Variants in GPSM1 observed in about 807,000 individuals in gnomAD.
GPSM1 encodes the protein G protein signaling modulator 1.
GPSM1 carries 48 observed loss-of-function variants against 70.5 expected under a neutral mutation model. The ratio of observed to expected loss-of-function variants is 0.68; its 90% CI spans 0.54 to 0.87. GPSM1 has a LOEUF of 0.87. Ranked by LOEUF, GPSM1 falls within the 40% of genes least tolerant of loss-of-function variation. The probability of loss-of-function intolerance (pLI) is 0.00; values close to 1 mark genes in which losing one functional copy is unlikely to be tolerated. For missense variants in GPSM1, 981 were observed against 972.6 expected (o/e 1.01, Z -0.11); for synonymous variants, 416 against 430.1 (o/e 0.97, Z 0.41).
chr9:136,351,806 G>A (rs1433624797), intron 11 of GPSM1, among the ~76,000 whole-genome samples: 1 of 152,240 alleles, frequency 6.6e-6, no homozygotes, highest in African/African-American at 2.4e-5. Context: ...ACGTGGCAGG[G>A]CCTCTTGGCT....
At position 136,342,919 on chromosome 9, in the gene GPSM1, CCTTGCTGTTGTGGGCGTGGT is replaced by C. The variant is rs1832429941; in HGVS notation, c.1207+1928_1207+1947del. Among the ~76,000 whole-genome samples, 1 of 151,788 alleles carries C rather than the reference CCTTGCTGTTGTGGGCGTGGT, an allele frequency of 6.6e-6. No individual in the cohort carries two copies. The highest frequency in any genetic ancestry group is 1.5e-5 in the Non-Finnish European group (1 of 67,926). ...CCGGCGGGGACGCGGTGGGGCGTGG[CCTTGCTGTTGTGGGCGTGGT>C]CCATGGGGGCGGTGGGCGTGGCAGA... On this transcript the variant is annotated intron_variant, in intron 9 of 13. Coordinates refer to ENST00000440944, the MANE Select transcript of GPSM1 (RefSeq NM_001145638.3). This position sits in a 1 kb window ranked among gnomAD's most constrained non-coding sequence, Gnocchi z 5.5.
intron 11 of GPSM1, among the ~76,000 whole-genome samples, chr9:136,352,777 C>T (rs74604683): frequency 0.077 from 11,714 of 152,286 alleles, 595 homozygotes; most frequent in East Asian, 0.15. Flanking sequence ...CAGGTGTCAG[C>T]GGGAAAAGGG....
Position 136,338,577 on chromosome 9 carries a change from C to G in GPSM1, c.841C>G (p.Gln281Glu), listed in dbSNP as rs1394314581. The part of the protein sequence containing the change: ...YYKKTLQLSR[Q>E]LRDQAVEAQA... ...CAGGAAGACGCTGCAACTGTCTCGG[C>G]AGCTCAGGGACCAGGCAGTGGAGGC... is the stretch of plus-strand genomic sequence containing the variant. The change falls in exon 7 of 14, where the codon CAG (glutamine) becomes GAG (glutamate). Residue 281 changes from glutamine to glutamate, a missense_variant. Physicochemically the swap from Gln to Glu is conservative, Grantham distance 29 (BLOSUM62 2). Transcript: ENST00000440944. The G allele has an allele frequency of 6.2e-7, 1 of 1,611,210 alleles. No homozygotes were observed. The highest frequency in any genetic ancestry group is 1.3e-5 in the African/African-American group (1 of 74,940).
At chr9:136,328,188 G>A (rs1025222681) in intron 1 of GPSM1, among the ~76,000 whole-genome samples, 2 of 152,268 alleles carry the variant, frequency 1.3e-5, no homozygotes, top group East Asian at 3.8e-4. Flanking sequence ...GATCCAGCTG[G>A]GTTGGAAGGG....
intron 6 of GPSM1, 125 bp from the exon 7 acceptor site, chr9:136,338,430 C>A: frequency 1.1e-6 from 1 of 895,092 alleles, no homozygotes; most frequent in South Asian, 1.7e-5. Context: ...TGAAGCTGGA[C>A]CCCAGAGAGG....
intron 9 of GPSM1, among the ~76,000 whole-genome samples, chr9:136,346,280 G>A (rs782730608): frequency 6.6e-5 from 10 of 152,348 alleles, no homozygotes; most frequent in South Asian, 6.2e-4. Context: ...GTAGGCATTC[G>A]CCGTGGGCTG....
chr9:136,327,750 CG>C lies in GPSM1; in HGVS notation c.56del (p.Arg19ProfsTer11). 8.4e-7 allele frequency: 1 copy of C among 1,189,936 alleles called. No homozygotes were observed. The highest frequency in any genetic ancestry group is 1.0e-6 in the Non-Finnish European group (1 of 960,132). The allele number at this position is 1,189,936 out of a possible 1,614,324, so 73.7% of individuals were successfully genotyped here. A position where few individuals can be genotyped will look rare whatever the true frequency, so the allele number is the denominator to read the frequency against. On this transcript the variant is annotated frameshift_variant, in exon 1 of 14. Coordinates refer to ENST00000440944, the MANE Select transcript of GPSM1 (RefSeq NM_001145638.3). LOFTEE classifies it high-confidence loss of function. ...CGAGCTCCCGGGCCCGGCCGCCAGG[CG>C]CCTCTACTCCAGGTAGGACGGGCCG... The part of the protein sequence containing the change: ...ADELPGPAAR[R>X]LYSRMEASCL...
Position 136,341,522 on chromosome 9 carries a change from C to T in GPSM1, c.1207+529C>T. 1 of 1,161,394 alleles carries T rather than the reference C, an allele frequency of 8.6e-7. No homozygotes were observed. Among genetic ancestry groups the T allele is most frequent in the Non-Finnish European group, 1.1e-6 (1 of 938,742 alleles). 71.9% of individuals were successfully genotyped at this position (1,161,394 alleles called of 1,614,324 possible). On this transcript the variant is annotated intron_variant, in intron 9 of 13. Transcript: ENST00000440944. The surrounding 1 kb of genome is among the most constrained non-coding windows in gnomAD (Gnocchi z 6.7). ...GGTCAGCAGTGCTGCAGACACAGGA[C>T]AGAACGTCCCCTGCAAAGCGAAAAG...
chr9:136,356,575 T>C, intron 13 of GPSM1, 25 bp downstream of exon 13: 1 of 1,559,622 alleles, frequency 6.4e-7, no homozygotes, highest in Non-Finnish European at 8.8e-7. Flanking sequence ...TGGGCGGGCG[T>C]GGCTCGCGGC....
chr9:136,338,739 C>G (rs1460510413), intron 7 of GPSM1, 29 bp downstream of exon 7: 3 of 1,521,102 alleles, frequency 2.0e-6, no homozygotes, highest in Non-Finnish European at 2.6e-6. Flanking sequence ...GGCGGGCAGA[C>G]CCGGCCCGGC....
chr9:136,345,763 C>T (rs764962444), intron 9 of GPSM1, among the ~76,000 whole-genome samples: 1 of 152,182 alleles, frequency 6.6e-6, no homozygotes. Flanking sequence ...CCAGCACAGA[C>T]GTGCTCCTCT....
chr9:136,347,853 C>T (rs1342336391), intron 9 of GPSM1, among the ~76,000 whole-genome samples: 4 of 152,252 alleles, frequency 2.6e-5, no homozygotes, highest in Non-Finnish European at 5.9e-5. Context: ...ACTCCCAAAT[C>T]CTTTCGGGCC....
At chr9:136,348,548 C>T in intron 9 of GPSM1, 149 bp from the exon 10 acceptor site, 1 of 590,950 alleles carries the variant, frequency 1.7e-6, no homozygotes, top group Non-Finnish European at 3.1e-6. Flanking sequence ...GCAGAGGACA[C>T]TCAGACATGG....
intron 11 of GPSM1, chr9:136,354,875 G>A (rs910230065): frequency 1.4e-4 from 138 of 1,013,488 alleles, no homozygotes; most frequent in South Asian, 1.9e-4. Context: ...CACAGGGACA[G>A]GAGGCACGGG....
intron 11 of GPSM1, among the ~76,000 whole-genome samples, chr9:136,351,569 C>T (rs918373161): frequency 3.9e-5 from 6 of 152,208 alleles, no homozygotes; most frequent in Admixed American, 6.5e-5. Context: ...CCAGGCTTCA[C>T]GTCACCCCAA....
chr9:136,331,689 G>A (rs1176299802), intron 1 of GPSM1, among the ~76,000 whole-genome samples: 1 of 152,212 alleles, frequency 6.6e-6, no homozygotes, highest in Non-Finnish European at 1.5e-5. Flanking sequence ...AGAGGAGTTG[G>A]CGGGTGACTG....
chr9:136,342,446 C>G lies in GPSM1; in HGVS notation c.1207+1453C>G, dbSNP rs555840132. 1.1e-3 allele frequency among the ~76,000 whole-genome samples: 173 copies of G among 152,298 alleles called. 3 individuals carry two copies. The East Asian group carries it at 0.019, about 17-fold the overall frequency. On this transcript the variant is annotated intron_variant, in intron 9 of 13. Coordinates refer to ENST00000440944, the MANE Select transcript of GPSM1 (RefSeq NM_001145638.3). This position sits in a 1 kb window ranked among gnomAD's most constrained non-coding sequence, Gnocchi z 5.5. ...CTGTCCCTCTCTGGCTCCTCTGTGCCGCCCCGAGTGCGGGACCCCTTCCAG... is the reference window on the plus strand; with the variant it reads ...CTGTCCCTCTCTGGCTCCTCTGTGCGGCCCCGAGTGCGGGACCCCTTCCAG...
intron 11 of GPSM1, among the ~76,000 whole-genome samples, chr9:136,353,995 C>T (rs1191673346): frequency 1.3e-5 from 2 of 152,144 alleles, no homozygotes; most frequent in East Asian, 1.9e-4. Context: ...CTGGGGAATC[C>T]GGGGGAGTGG....
In GPSM1 at chr9:136,341,627, G is replaced by C. The variant is rs567879396; in HGVS notation, c.1207+634G>C. 9.9e-7 allele frequency: 1 copy of C among 1,008,692 alleles called. No homozygotes were observed. Among genetic ancestry groups the C allele is most frequent in the South Asian group, 4.0e-5 (1 of 24,734 alleles). The allele number at this position is 1,008,692 out of a possible 1,614,324, so 62.5% of individuals were successfully genotyped here. Reference sequence around the variant, plus strand: ...GGCAGGTGGGTGAGGGGCAGGCTTGGGGGGAGCAGCTGCCCCACCCATGTG... The same window carrying C: ...GGCAGGTGGGTGAGGGGCAGGCTTGCGGGGAGCAGCTGCCCCACCCATGTG... On this transcript the variant is annotated intron_variant, in intron 9 of 13. Coordinates refer to ENST00000440944, the MANE Select transcript of GPSM1 (RefSeq NM_001145638.3). This position sits in a 1 kb window ranked among gnomAD's most constrained non-coding sequence, Gnocchi z 6.7.
Sources: allele counts gnomAD v4.1 joint callset (sites outside exome capture counted in the v4.1 genomes callset), GRCh38; gene constraint gnomAD v4.1.1; non-coding constraint Gnocchi (gnomAD v3.1); transcripts MANE v1.5; gene names NCBI Gene and HGNC (gene_info 2026-07-23, HGNC 2026-07-21).